The following TFRC variants were observed in gnomAD, a reference collection of about 807,000 sequenced individuals.
TFRC encodes the protein transferrin receptor.
Under a neutral mutation model 85.8 loss-of-function variants are expected in TFRC, and 35 were observed. The observed-to-expected ratio is 0.41, with a 90% confidence interval of 0.31 to 0.54. The LOEUF (loss-of-function observed/expected upper bound fraction) is 0.54, where lower values mean the gene tolerates loss of function less well. TFRC is among the 20% of genes least tolerant of loss of function. TFRC has a pLI of 0.31. For synonymous variants in TFRC, 362 were observed against 328.6 expected (o/e 1.10, Z -1.10); for missense variants, 828 against 921.5 (o/e 0.90, Z 1.31).
At chr3:196,081,118 G>C (rs183209653) in intron 1 of TFRC, among the ~76,000 whole-genome samples, 1 of 152,292 alleles carries the variant, frequency 6.6e-6, no homozygotes, top group African/African-American at 2.4e-5. Context: ...CTGTCCAGCA[G>C]AATGTGACAC....
At chr3:196,070,229 G>C (rs1234783569) in intron 6 of TFRC, among the ~76,000 whole-genome samples, 2 of 151,570 alleles carry the variant, frequency 1.3e-5, no homozygotes, top group African/African-American at 2.4e-5. Flanking sequence ...AGCCCCGAAA[G>C]GTATCCACTA....
At position 196,051,989 on chromosome 3, in the gene TFRC, C is replaced by T. The variant is rs745591778; in HGVS notation, c.2236G>A (p.Ala746Thr). ...CAAACGTCACCAGAGAGGGCATTTG[C>T]AGCTCCCTGAATAGTCCAAGTAGCT... Reference protein sequence around the residue: ...ALATWTIQGAANALSGDVWDI... With the variant: ...ALATWTIQGATNALSGDVWDI... The change falls in exon 19 of 19, where the codon GCA becomes ACA. Residue 746 changes from alanine to threonine, a missense_variant. Coordinates refer to ENST00000360110, the MANE Select transcript of TFRC (RefSeq NM_001128148.3). The T allele has an allele frequency of 6.2e-7, 1 of 1,614,192 alleles. No individual in the cohort carries two copies. Among genetic ancestry groups the T allele is most frequent in the South Asian group, 1.1e-5 (1 of 91,082 alleles).
At chr3:196,056,243 C>G (rs1373088599) in intron 16 of TFRC, among the ~76,000 whole-genome samples, 1 of 152,190 alleles carries the variant, frequency 6.6e-6, no homozygotes, top group Non-Finnish European at 1.5e-5. Context: ...GTTACCCAGG[C>G]TGGTCTCACT....
In TFRC at chr3:196,075,349, T is replaced by G. The variant is rs768479499; in HGVS notation, c.48A>C (p.Glu16Asp). ...RSAFSNLFGG[E>D]PLSYTRFSLA... ...GGCTGAACCGGGTATATGACAATGG[T>G]TCTCCACCAAACTGTGTTGCGGAAA... The change falls in exon 3 of 19, where the codon GAA becomes GAC. Residue 16 changes from glutamate to aspartate, a missense_variant. Glu to Asp is a conservative substitution (Grantham distance 45). Coordinates refer to ENST00000360110, the MANE Select transcript of TFRC (RefSeq NM_001128148.3). The G allele has an allele frequency of 1.2e-6, 2 of 1,614,164 alleles. No homozygotes were observed. Among genetic ancestry groups the G allele is most frequent in the Non-Finnish European group, 1.7e-6 (2 of 1,180,006 alleles).
intron 1 of TFRC, chr3:196,081,796 G>C (rs969043053): frequency 6.6e-6 from 1 of 152,384 alleles, no homozygotes; most frequent in African/African-American, 2.4e-5. Context: ...AGAGGCGCAG[G>C]GACGCCTCTG....
chr3:196,074,816 T>C (rs1035342395), intron 3 of TFRC, among the ~76,000 whole-genome samples: 1 of 149,744 alleles, frequency 6.7e-6, no homozygotes, highest in African/African-American at 2.5e-5. Flanking sequence ...GAGGCGGAGA[T>C]TGCAGTGAGC....
At chr3:196,059,314 A>G (rs1367217520) in intron 14 of TFRC, among the ~76,000 whole-genome samples, 1 of 151,896 alleles carries the variant, frequency 6.6e-6, no homozygotes, top group Non-Finnish European at 1.5e-5. Flanking sequence ...ACAGAGGAAG[A>G]CTCCATCTCA....
At chr3:196,067,939 G>A in intron 8 of TFRC, 93 bp downstream of exon 8, 7 of 1,045,900 alleles carry the variant, frequency 6.7e-6, no homozygotes, top group Non-Finnish European at 8.5e-6. Flanking sequence ...AAAAAGAGCA[G>A]TTAAGGAAGA....
At chr3:196,059,443 C>CCA (rs1481450597) in intron 14 of TFRC, among the ~76,000 whole-genome samples, 1 of 152,162 alleles carries the variant, frequency 6.6e-6, no homozygotes, top group Non-Finnish European at 1.5e-5. Flanking sequence ...GCATCTTATG[C>CCA]CACCAACCTA....
Position 196,074,130 on chromosome 3 carries a change from A to T in TFRC, c.239-5T>A, listed in dbSNP as rs1718458529. The T allele has an allele frequency of 6.2e-7, 1 of 1,607,340 alleles. No individual in the cohort carries two copies. The highest frequency in any genetic ancestry group is 1.1e-5 in the South Asian group (1 of 90,546). The stretch of plus-strand genomic sequence containing the variant: ...CCAAGTAGCCAATCATAAATCCTAA[A>T]GAGACAAAGTTCCAGAGCTGAACTC... On this transcript the variant is annotated splice_region_variant and splice_polypyrimidine_tract_variant and intron_variant, in intron 3 of 18. Transcript: ENST00000360110.
chr3:196,062,204 T>C (rs1233393992), intron 13 of TFRC, among the ~76,000 whole-genome samples: 1 of 145,250 alleles, frequency 6.9e-6, no homozygotes, highest in Non-Finnish European at 1.5e-5. Flanking sequence ...GGCAATACAG[T>C]GAGACCCTGT....
chr3:196,059,618 T>A (rs493661), intron 14 of TFRC, among the ~76,000 whole-genome samples: 47,977 of 151,718 alleles, frequency 0.32, 7,696 homozygotes, highest in South Asian at 0.35. Flanking sequence ...TTATTTATTT[T>A]TTTTTTAATT....
rs2239640 is a variant in TFRC, at chr3:196,062,837, G to C, written c.1404+17C>G. 20 of 1,612,296 alleles carry C rather than the reference G, an allele frequency of 1.2e-5. No homozygotes were observed. The highest frequency in any genetic ancestry group is 4.4e-5 in the South Asian group (4 of 91,050). ...CACAAGCTCGTGTCCAATATGGGAA[G>C]GGATGATAAAGAATACCTCTAGCCA... On this transcript the variant is annotated intron_variant, in intron 12 of 18. Coordinates refer to ENST00000360110, the MANE Select transcript of TFRC (RefSeq NM_001128148.3).
Position 196,051,262 on chromosome 3 carries a change from AG to A in TFRC, c.*679del, listed in dbSNP as rs1716281797. 2 of 219,546 alleles carry A rather than the reference AG, an allele frequency of 9.1e-6. No individual in the cohort carries two copies. Among genetic ancestry groups the A allele is most frequent in the Non-Finnish European group, 1.8e-5 (2 of 109,134 alleles). The allele number at this position is 219,546 out of a possible 1,614,324, so 13.6% of individuals were successfully genotyped here. ...TGGAGGCTTATGGGGGAAGGGACAG[AG>A]GAAAAGAAAATATACTAAGTCTTTG... is the stretch of plus-strand genomic sequence containing the variant. On this transcript the variant is annotated 3_prime_UTR_variant, in exon 19 of 19. Coordinates refer to ENST00000360110, the MANE Select transcript of TFRC (RefSeq NM_001128148.3).
Position 196,058,575 on chromosome 3 carries a change from C to A in TFRC, c.1594G>T (p.Val532Phe). 1 of 1,610,872 alleles carries A rather than the reference C, an allele frequency of 6.2e-7. No individual in the cohort carries two copies. ...LYQDSNWASKVEKLTLDNAAF... is the reference protein window; with the variant it reads ...LYQDSNWASKFEKLTLDNAAF... ...GTTCATTCACTTTTCTCAACTTACA[C>A]TTTGCTGGCCCAGTTGCTGTCCTGA... The change falls in exon 15 of 19, where the codon GTT (valine) becomes TTT (phenylalanine). Residue 532 changes from valine to phenylalanine, a missense_variant and splice_region_variant. Val to Phe is a conservative substitution (Grantham distance 50). Coordinates refer to ENST00000360110, the MANE Select transcript of TFRC (RefSeq NM_001128148.3).
chr3:196,065,656 C>T, intron 9 of TFRC, 56 bp from the exon 10 acceptor site: 1 of 1,520,726 alleles, frequency 6.6e-7, no homozygotes, highest in East Asian at 2.4e-5. Flanking sequence ...CCAGGGTTTA[C>T]TCCTGTCCAG....
rs892797306 is a variant in TFRC at position 196,051,703 on chromosome 3, C to G, written c.*239G>C. ...TTCCCATTACAAAGCACTTAAAATT[C>G]TAGAGATAGGGGAATATTCCATCAT... On this transcript the variant is annotated 3_prime_UTR_variant, in exon 19 of 19. Transcript: ENST00000360110. 2.0e-6 allele frequency: 1 copy of G among 488,860 alleles called. No homozygotes were observed. Among genetic ancestry groups the G allele is most frequent in the East Asian group, 3.4e-5 (1 of 29,542 alleles). 30.3% of individuals were successfully genotyped at this position (488,860 alleles called of 1,614,324 possible). A position where few individuals can be genotyped will look rare whatever the true frequency, so the allele number is the denominator to read the frequency against.
intron 16 of TFRC, among the ~76,000 whole-genome samples, chr3:196,057,781 C>CAAAAAAAAAAAAAAAAAAAAA (rs370832734): frequency 5.2e-5 from 4 of 77,574 alleles, no homozygotes; most frequent in African/African-American, 1.6e-4. Context: ...TCACCATTGT[C>CAAAAAAAAAAAAAAAAAAAAA]AAAAAAAAAA....
intron 14 of TFRC, among the ~76,000 whole-genome samples, chr3:196,059,808 C>T (rs956907538): frequency 5.0e-5 from 7 of 141,320 alleles, no homozygotes; most frequent in African/African-American, 8.0e-5. Context: ...ACATGCTCTC[C>T]CTCATTCAAA....
Sources: gnomAD v4.1 joint callset for allele counts (sites outside exome capture counted in the v4.1 genomes callset) on GRCh38, gnomAD v4.1.1 for gene constraint, MANE v1.5 for transcripts, NCBI Gene and HGNC (gene_info 2026-07-23, HGNC 2026-07-21) for gene names.